Variants in ZNF460 observed in about 807,000 individuals in gnomAD.
The protein encoded by ZNF460 is zinc finger protein 460.
Under a neutral mutation model 8.4 loss-of-function variants are expected in ZNF460, and 1 was observed. That is an observed-to-expected ratio of 0.12 (90% CI 0.04 to 0.56). ZNF460 has a LOEUF of 0.56. Ranked by LOEUF, ZNF460 falls within the 20% of genes least tolerant of loss-of-function variation. ZNF460 has a pLI of 0.91. For synonymous variants in ZNF460, 262 were observed against 259.9 expected, an observed-to-expected ratio of 1.01 and a Z score of -0.08; for missense variants, 477 against 714.8, an observed-to-expected ratio of 0.67 and a Z score of 3.79.
chr19:57,286,825 G>T (rs149748358), intron 2 of ZNF460, among the ~76,000 whole-genome samples: 2 of 151,946 alleles, frequency 1.3e-5, no homozygotes, highest in South Asian at 2.1e-4. Flanking sequence ...TTAGCCAGGC[G>T]TGGCGGTACA....
chr19:57,288,216 T>C (rs1247284357), intron 2 of ZNF460, among the ~76,000 whole-genome samples: 1 of 152,144 alleles, frequency 6.6e-6, no homozygotes, highest in East Asian at 1.9e-4. Context: ...TTTCCCCTTT[T>C]TTAAGAGACA....
At chr19:57,284,791 C>A in intron 2 of ZNF460, 114 bp downstream of exon 2, 1 of 1,197,886 alleles carries the variant, frequency 8.3e-7, no homozygotes, top group Non-Finnish European at 1.1e-6. Flanking sequence ...GCCAGCCCTC[C>A]TGTTTCCCAA....
chr19:57,281,329 C>T lies in ZNF460; in HGVS notation c.30+493C>T, dbSNP rs1201880370. On this transcript the variant is annotated intron_variant, in intron 1 of 2. Transcript: ENST00000360338. ...CCAGGTGTCACCTATTTGGAGGTGC[C>T]TTTTTTGGCAATTCCGGCTAAAGTG... Among the ~76,000 whole-genome samples the T allele has an allele frequency of 2.0e-5, 3 of 152,174 alleles. No homozygotes were observed. The East Asian group carries it at 5.8e-4, about 29-fold the overall frequency.
At chr19:57,290,012 C>T (rs1217931490) in intron 2 of ZNF460, among the ~76,000 whole-genome samples, 1 of 151,936 alleles carries the variant, frequency 6.6e-6, no homozygotes, top group Admixed American at 6.6e-5. Context: ...TGGTGGCGCA[C>T]ACCTGTAATC....
chr19:57,285,820 C>G (rs2087875629), intron 2 of ZNF460, among the ~76,000 whole-genome samples: 1 of 152,172 alleles, frequency 6.6e-6, no homozygotes, highest in Admixed American at 6.5e-5. Context: ...ACTCATGTCT[C>G]CCATTCTTTA....
rs949601080 is a variant in ZNF460, at chr19:57,291,304, A to G, written c.763A>G (p.Ser255Gly). 6.2e-7 allele frequency: 1 copy of G among 1,614,010 alleles called. No homozygotes were observed. Among genetic ancestry groups the G allele is most frequent in the African/African-American group, 1.3e-5 (1 of 74,984 alleles). Residue 255 changes from serine (S) to glycine (G), a missense_variant, in exon 3 of 3, where the codon AGT becomes GGT. Ser to Gly is a moderately conservative substitution (Grantham distance 56). Coordinates refer to ENST00000360338, the MANE Select transcript of ZNF460 (RefSeq NM_006635.4). This position sits in a 1 kb window ranked among gnomAD's most constrained non-coding sequence, Gnocchi z 8.4. Reference sequence around the variant, plus strand: ...CAATGGAGATAAGCCCTTTGTGTGCAGTGAATGTGGAAGGACCTTCAATCG... The same window carrying G: ...CAATGGAGATAAGCCCTTTGTGTGCGGTGAATGTGGAAGGACCTTCAATCG... ...THNGDKPFVC[S>G]ECGRTFNRGS...
chr19:57,280,650 C>A lies in ZNF460; in HGVS notation c.-157C>A. 1 of 1,106,578 alleles carries A rather than the reference C, an allele frequency of 9.0e-7. No individual in the cohort carries two copies. The highest frequency in any genetic ancestry group is 1.3e-6 in the Non-Finnish European group (1 of 790,294). 68.5% of individuals were successfully genotyped at this position (1,106,578 alleles called of 1,614,324 possible). A position where few individuals can be genotyped will look rare whatever the true frequency, so the allele number is the denominator to read the frequency against. ...GCGCCCGCCGAGGCCTAGGCCTCCGCAGCCGCCCTCCGTCTCCTCAGCCCC... is the reference window on the plus strand; with the variant it reads ...GCGCCCGCCGAGGCCTAGGCCTCCGAAGCCGCCCTCCGTCTCCTCAGCCCC... On this transcript the variant is annotated 5_prime_UTR_variant, in exon 1 of 3. Transcript: ENST00000360338.
chr19:57,281,722 C>T (rs903670047), intron 1 of ZNF460, among the ~76,000 whole-genome samples: 4 of 151,962 alleles, frequency 2.6e-5, no homozygotes, highest in East Asian at 1.9e-4. Flanking sequence ...TGCGCCACCA[C>T]GCCTGGCTAA....
At position 57,292,038 on chromosome 19, in the gene ZNF460, T is replaced by G. The variant is rs1278527948; in HGVS notation, c.1497T>G (p.Thr499=). 6.2e-7 allele frequency: 1 copy of G among 1,614,092 alleles called. No individual in the cohort carries two copies. The highest frequency in any genetic ancestry group is 1.7e-5 in the Admixed American group (1 of 60,006). ...TCACAAGGCACCAGCGGATTCACAC[T>G]GCAGAGAAGTCCCACGAACCCATCC... ...SPLTRHQRIH[T]AEKSHEPIQS... is the part of the protein sequence containing the mutation. The change falls in exon 3 of 3, where the codon ACT becomes ACG. Residue 499 remains threonine (T), a synonymous_variant. Coordinates refer to ENST00000360338, the MANE Select transcript of ZNF460 (RefSeq NM_006635.4).
At chr19:57,288,230 T>G (rs746614782) in intron 2 of ZNF460, among the ~76,000 whole-genome samples, 1 of 152,100 alleles carries the variant, frequency 6.6e-6, no homozygotes, top group Non-Finnish European at 1.5e-5. Flanking sequence ...AGAGACAGGG[T>G]CTTCCTCTGT....
At chr19:57,283,149 T>G (rs1057198048) in intron 1 of ZNF460, among the ~76,000 whole-genome samples, 70 of 109,542 alleles carry the variant, frequency 6.4e-4, no homozygotes, top group South Asian at 1.4e-3. Context: ...TTGTTTGTTT[T>G]TTTTTTTTTT....
chr19:57,286,609 T>TC (rs2087881175), intron 2 of ZNF460, among the ~76,000 whole-genome samples: 2 of 152,160 alleles, frequency 1.3e-5, no homozygotes, highest in South Asian at 4.2e-4. Context: ...ATAATAAGAC[T>TC]CCATCTTTTT....
At chr19:57,283,295 G>C (rs753092870) in intron 1 of ZNF460, among the ~76,000 whole-genome samples, 2 of 150,468 alleles carry the variant, frequency 1.3e-5, no homozygotes, top group African/African-American at 4.9e-5. Context: ...TCAGCCTCCC[G>C]AGTAGCTAGG....
chr19:57,288,624 C>A (rs2087895404), intron 2 of ZNF460, among the ~76,000 whole-genome samples: 1 of 152,194 alleles, frequency 6.6e-6, no homozygotes, highest in Non-Finnish European at 1.5e-5. Flanking sequence ...TTGGTACAGG[C>A]AAGATTTGAA....
intron 2 of ZNF460, among the ~76,000 whole-genome samples, chr19:57,286,632 TA>T (rs1472176224): frequency 6.6e-6 from 1 of 152,088 alleles, no homozygotes; most frequent in African/African-American, 2.4e-5. Context: ...ACTTTTTGAA[TA>T]AGCTATAACT....
Position 57,292,693 on chromosome 19 carries a change from G to A in ZNF460, c.*463G>A. 1 of 159,906 alleles carries A rather than the reference G, an allele frequency of 6.3e-6. No individual in the cohort carries two copies. The highest frequency in any genetic ancestry group is 1.4e-5 in the Non-Finnish European group (1 of 72,262). 9.9% of individuals were successfully genotyped at this position (159,906 alleles called of 1,614,324 possible). A position where few individuals can be genotyped will look rare whatever the true frequency, so the allele number is the denominator to read the frequency against. On this transcript the variant is annotated 3_prime_UTR_variant, in exon 3 of 3. Coordinates refer to ENST00000360338, the MANE Select transcript of ZNF460 (RefSeq NM_006635.4). ...TGTCATCCCCTCCTTATTTTATTTG[G>A]GAGAGGGAAATGTTTCAGAAACAAA... is the stretch of plus-strand genomic sequence containing the variant.
intron 1 of ZNF460, among the ~76,000 whole-genome samples, chr19:57,283,145 GTTTT>G (rs59796969): frequency 4.9e-5 from 7 of 142,886 alleles, no homozygotes; most frequent in Non-Finnish European, 7.7e-5. Flanking sequence ...GTGTTTGTTT[GTTTT>G]TTTTTTTTTT....
intron 2 of ZNF460, among the ~76,000 whole-genome samples, chr19:57,285,380 T>C (rs2087872027): frequency 6.6e-6 from 1 of 152,196 alleles, no homozygotes; most frequent in African/African-American, 2.4e-5. Context: ...TCAGCTATTG[T>C]GTGGAACGAA....
intron 1 of ZNF460, 117 bp from the exon 2 acceptor site, chr19:57,284,434 G>A: frequency 7.6e-7 from 1 of 1,313,394 alleles, no homozygotes; most frequent in East Asian, 2.4e-5. Flanking sequence ...CCCTTTGGAG[G>A]TGCTTGGTGA....
Sources: allele counts gnomAD v4.1 joint callset (sites outside exome capture counted in the v4.1 genomes callset), GRCh38; gene constraint gnomAD v4.1.1; non-coding constraint Gnocchi (gnomAD v3.1); transcripts MANE v1.5; gene names NCBI Gene and HGNC (gene_info 2026-07-23, HGNC 2026-07-21).